Variants in ANKIB1 observed in about 807,000 individuals in gnomAD.
ANKIB1 encodes ankyrin repeat and IBR domain-containing protein 1.
Under a neutral mutation model 122.1 loss-of-function variants are expected in ANKIB1, and 43 were observed. The ratio of observed to expected loss-of-function variants is 0.35; its 90% confidence interval spans 0.28 to 0.45. ANKIB1 has a LOEUF of 0.45. Among genes scored for constraint, ANKIB1 ranks in the 20% least tolerant of loss-of-function variants. The pLI is 1.00. For synonymous variants in ANKIB1, 390 were observed against 442.0 expected (o/e 0.88, Z 1.48); for missense variants, 992 against 1,329.5 (o/e 0.75, Z 3.95).
intron 1 of ANKIB1, among the ~76,000 whole-genome samples, chr7:92,270,687 G>T (rs538452356): frequency 5.4e-5 from 8 of 148,140 alleles, no homozygotes; most frequent in Non-Finnish European, 8.9e-5. Context: ...TCTGCCACTC[G>T]CTAGCCTTTA....
intron 4 of ANKIB1, among the ~76,000 whole-genome samples, chr7:92,326,782 A>G (rs1803035467): frequency 6.6e-6 from 1 of 152,114 alleles, no homozygotes. Flanking sequence ...GTATTCCTGT[A>G]TAGAAAAGTT....
intron 1 of ANKIB1, among the ~76,000 whole-genome samples, chr7:92,265,479 C>T (rs978127335): frequency 2.0e-5 from 3 of 152,082 alleles, no homozygotes; most frequent in East Asian, 1.9e-4. Flanking sequence ...ATACTAAGCA[C>T]GATGTGGGAG....
intron 1 of ANKIB1, among the ~76,000 whole-genome samples, chr7:92,257,269 T>C (rs886951797): frequency 1.3e-5 from 2 of 151,940 alleles, no homozygotes; most frequent in African/African-American, 4.8e-5. Context: ...TGAACAGTCT[T>C]GAGATTAGTT....
chr7:92,246,437 C>G lies in ANKIB1; in HGVS notation c.-173C>G, dbSNP rs540103704. On this transcript the variant is annotated 5_prime_UTR_variant, in exon 1 of 20. Transcript: ENST00000265742. ...GGCTGGGTACCTGAGGTCACCAGCTCGGCTGTAGAGGCAGGGGCGGCGGAG... is the reference window on the plus strand; with the variant it reads ...GGCTGGGTACCTGAGGTCACCAGCTGGGCTGTAGAGGCAGGGGCGGCGGAG... 3 of 517,424 alleles carry G rather than the reference C, an allele frequency of 5.8e-6. No individual in the cohort carries two copies. Among genetic ancestry groups the G allele is most frequent in the South Asian group, 4.2e-5 (3 of 71,248 alleles). The allele number at this position is 517,424 out of a possible 1,614,324, so 32.1% of individuals were successfully genotyped here.
intron 1 of ANKIB1, among the ~76,000 whole-genome samples, chr7:92,290,454 A>G (rs568590258): frequency 2.4e-4 from 36 of 151,632 alleles, no homozygotes; most frequent in African/African-American, 7.3e-4. Context: ...TCTACTGGCT[A>G]CAGAGTTTAG....
At chr7:92,294,227 T>G (rs1802306844) in intron 1 of ANKIB1, among the ~76,000 whole-genome samples, 2 of 152,216 alleles carry the variant, frequency 1.3e-5, no homozygotes, top group African/African-American at 2.4e-5. Context: ...AAACATTTGA[T>G]GTTTTCAGAC....
rs1185099337 is a variant in ANKIB1, at chr7:92,400,255, A to C, written c.*1306A>C. 1 of 152,182 alleles carries C rather than the reference A, an allele frequency of 6.6e-6. No individual in the cohort carries two copies. The highest frequency in any genetic ancestry group is 1.5e-5 in the Non-Finnish European group (1 of 68,028). The allele number at this position is 152,182 out of a possible 1,614,324, so 9.4% of individuals were successfully genotyped here. ...CTCATTTGCTGTGTGATTACTGTTT[A>C]GTGTTGAAAAAAATCAACTTCCTAG... On this transcript the variant is annotated 3_prime_UTR_variant, in exon 20 of 20. Coordinates refer to ENST00000265742, the MANE Select transcript of ANKIB1 (RefSeq NM_019004.2).
chr7:92,325,871 G>C (rs926780919), intron 4 of ANKIB1: 1 of 424,154 alleles, frequency 2.4e-6, no homozygotes, highest in African/African-American at 2.1e-5. Context: ...ATGCAAAAGA[G>C]GTAATTTTAT....
chr7:92,297,193 C>G (rs888775165), intron 2 of ANKIB1, among the ~76,000 whole-genome samples: 5 of 152,186 alleles, frequency 3.3e-5, no homozygotes, highest in Non-Finnish European at 5.9e-5. Context: ...ACAGTAAGGT[C>G]TCACAACTTG....
At chr7:92,249,666 G>C (rs1381873401) in intron 1 of ANKIB1, among the ~76,000 whole-genome samples, 4 of 151,960 alleles carry the variant, frequency 2.6e-5, no homozygotes, top group Non-Finnish European at 4.4e-5. Flanking sequence ...GTTGCAGTGA[G>C]CTGAGATCGC....
At chr7:92,309,133 G>A (rs1477244696) in intron 3 of ANKIB1, among the ~76,000 whole-genome samples, 2 of 152,122 alleles carry the variant, frequency 1.3e-5, no homozygotes, top group Admixed American at 1.3e-4. Context: ...GCTAATGTTT[G>A]TGATACTTGC....
chr7:92,285,382 A>G (rs1198763510), intron 1 of ANKIB1, among the ~76,000 whole-genome samples: 1 of 152,204 alleles, frequency 6.6e-6, no homozygotes, highest in Non-Finnish European at 1.5e-5. Flanking sequence ...CAAATTTTAT[A>G]CTATAAACAT....
At chr7:92,320,239 C>T (rs1431191999) in intron 4 of ANKIB1, among the ~76,000 whole-genome samples, 2 of 152,118 alleles carry the variant, frequency 1.3e-5, no homozygotes, top group Non-Finnish European at 2.9e-5. Flanking sequence ...AGTTGTAGCC[C>T]CATATCATCT....
chr7:92,333,994 C>A (rs1585112451), intron 5 of ANKIB1, among the ~76,000 whole-genome samples: 1 of 152,126 alleles, frequency 6.6e-6, no homozygotes, highest in East Asian at 1.9e-4. Context: ...AAGGTCTTCA[C>A]ATAACATGCT....
rs1436302120 is a variant in ANKIB1 at position 92,312,437 on chromosome 7, A to G, written c.486+4781A>G. The stretch of plus-strand genomic sequence containing the variant: ...TTACAGGTCAGCAAACTTTTCTGTG[A>G]AAGCCCAGATAGTAAATATTTTAGT... On this transcript the variant is annotated intron_variant, in intron 3 of 19. Coordinates refer to ENST00000265742, the MANE Select transcript of ANKIB1 (RefSeq NM_019004.2). 2.0e-5 allele frequency among the ~76,000 whole-genome samples: 3 copies of G among 152,302 alleles called. No individual in the cohort carries two copies. The East Asian group carries it at 5.8e-4, about 29-fold the overall frequency.
chr7:92,388,184 G>T, intron 14 of ANKIB1, 143 bp downstream of exon 14: 1 of 786,464 alleles, frequency 1.3e-6, no homozygotes. Flanking sequence ...GAAGCCCTGA[G>T]TGCAGCTTAG....
Position 92,356,382 on chromosome 7 carries a change from A to G in ANKIB1, c.1397+3740A>G, listed in dbSNP as rs78902885. On this transcript the variant is annotated intron_variant, in intron 9 of 19. Transcript: ENST00000265742. The stretch of plus-strand genomic sequence containing the variant: ...ATTGGCAGTATCTAGCTATTTAAGT[A>G]TCAGACTCCTGCCAACTAGCAAAAC... Among the ~76,000 whole-genome samples the G allele has an allele frequency of 9.1e-3, 1,393 of 152,338 alleles. 53 individuals carry two copies. The highest frequency in any genetic ancestry group is 0.08 in the East Asian group (415 of 5,188).
chr7:92,362,311 T>C (rs752832249), intron 10 of ANKIB1, 38 bp downstream of exon 10: 2 of 1,523,556 alleles, frequency 1.3e-6, no homozygotes, highest in Non-Finnish European at 1.8e-6. Context: ...GCATATTTCC[T>C]GATAGCATTC....
At chr7:92,350,694 C>G (rs1226664117) in intron 7 of ANKIB1, among the ~76,000 whole-genome samples, 1 of 152,038 alleles carries the variant, frequency 6.6e-6, no homozygotes, top group Non-Finnish European at 1.5e-5. Context: ...CCATCGCTAG[C>G]AAAAATTTAA....
Sources: gnomAD v4.1 joint callset for allele counts (sites outside exome capture counted in the v4.1 genomes callset) on GRCh38, gnomAD v4.1.1 for gene constraint, MANE v1.5 for transcripts, NCBI Gene and HGNC (gene_info 2026-07-23, HGNC 2026-07-21) for gene names.